Variants in IFIH1 observed in about 807,000 individuals in gnomAD.
The protein encoded by IFIH1 is interferon-induced helicase C domain-containing protein 1.
A neutral mutation model predicts 107.4 loss-of-function variants in IFIH1; 125 were observed. The observed-to-expected ratio is 1.16, with a 90% CI of 1.01 to 1.35. The LOEUF (loss-of-function observed/expected upper bound fraction) is 1.35. Among genes scored for constraint, IFIH1 ranks in the 40% most tolerant of loss-of-function variants. IFIH1 has a pLI of 0.00. For missense variants in IFIH1, 1,333 were observed against 1,213.7 expected (o/e 1.10, Z -1.46); for synonymous variants, 458 against 413.2 (o/e 1.11, Z -1.31).
Position 162,288,243 on chromosome 2 carries a change from G to A in IFIH1, c.987C>T (p.Leu329=). The A allele has an allele frequency of 6.2e-7, 1 of 1,612,744 alleles. No homozygotes were observed. Among genetic ancestry groups the A allele is most frequent in the Non-Finnish European group, 8.5e-7 (1 of 1,179,150 alleles). Residue 329 remains leucine (L), a synonymous_variant, in exon 5 of 16, where the codon CTC becomes CTT. Transcript: ENST00000649979. ...CTCTGGTTTTTCCACTCCCTGTAGGGAGGCAGATGATGATATTCTTCCCTT... is the reference window on the plus strand; with the variant it reads ...CTCTGGTTTTTCCACTCCCTGTAGGAAGGCAGATGATGATATTCTTCCCTT... ...ALEGKNIIIC[L]PTGSGKTRVA...
intron 13 of IFIH1, among the ~76,000 whole-genome samples, chr2:162,271,374 G>T (rs112395148): frequency 1.3e-5 from 2 of 149,278 alleles, no homozygotes; most frequent in African/African-American, 4.9e-5. Context: ...ACCAAACCCC[G>T]CATGTTCTCA....
intron 13 of IFIH1, among the ~76,000 whole-genome samples, chr2:162,270,745 A>C (rs2105190225): frequency 6.6e-6 from 1 of 152,294 alleles, no homozygotes; most frequent in East Asian, 1.9e-4. Context: ...TAATTCTCTT[A>C]GGACATTAAC....
chr2:162,300,075 A>C (rs1683166196), intron 3 of IFIH1, among the ~76,000 whole-genome samples: 1 of 152,164 alleles, frequency 6.6e-6, no homozygotes, highest in African/African-American at 2.4e-5. Context: ...TAGATCTTGC[A>C]TCTCTTTTAC....
chr2:162,308,036 G>A (rs1470700171), intron 2 of IFIH1, among the ~76,000 whole-genome samples: 1 of 152,146 alleles, frequency 6.6e-6, no homozygotes, highest in African/African-American at 2.4e-5. Context: ...GAAGGAGCCT[G>A]GATTTGATAA....
chr2:162,293,484 G>T, intron 4 of IFIH1, 80 bp downstream of exon 4: 1 of 786,630 alleles, frequency 1.3e-6, no homozygotes, highest in Non-Finnish European at 2.2e-6. Context: ...CATTAGGGAG[G>T]GTATGAACAG....
intron 13 of IFIH1, among the ~76,000 whole-genome samples, chr2:162,271,350 C>T (rs1225438210): frequency 6.6e-6 from 1 of 151,118 alleles, no homozygotes; most frequent in Non-Finnish European, 1.5e-5. Flanking sequence ...AGCAAACTAT[C>T]ACAAGGACAG....
chr2:162,309,265 A>T (rs1439523257), intron 2 of IFIH1, among the ~76,000 whole-genome samples: 1 of 152,192 alleles, frequency 6.6e-6, no homozygotes, highest in Non-Finnish European at 1.5e-5. Flanking sequence ...CTCCATCCAC[A>T]CAGCTTTCTG....
rs1683436814 is a variant in IFIH1 at position 162,314,396 on chromosome 2, CTCCTTTCTTTCTTTCTTTCTTTTCT to C, written c.453+3434_453+3458del. 4.5e-5 allele frequency among the ~76,000 whole-genome samples: 3 copies of C among 66,670 alleles called. 1 individual carries two copies. The highest frequency in any genetic ancestry group is 2.6e-4 in the African/African-American group (3 of 11,550). 43.7% of individuals were successfully genotyped at this position (66,670 alleles called of 152,430 possible). A position where few individuals can be genotyped will look rare whatever the true frequency, so the allele number is the denominator to read the frequency against. ...CCTCCCTCCCTCCCTCCCTCCCTCC[CTCCTTTCTTTCTTTCTTTCTTTTCT>C]TTCTTTCTTTCTTTCTTTCTTTCTT... is the stretch of plus-strand genomic sequence containing the variant. On this transcript the variant is annotated intron_variant, in intron 1 of 15. Coordinates refer to ENST00000649979, the MANE Select transcript of IFIH1 (RefSeq NM_022168.4).
chr2:162,280,058 G>A lies in IFIH1; in HGVS notation c.1579C>T (p.Gln527Ter). ...TIKTVKENLDQLKNQIQEPCK... is the reference protein window; with the variant it reads ...TIKTVKENLD ...GGCTCCTGTATTTGGTTTTTCAGTT[G>A]ATCAAGGTTTTCTTTAACAGTTTTA... Residue 527 changes from glutamine (Q) to a stop codon, truncating the protein, a stop_gained, in exon 8 of 16, where the codon CAA becomes TAA. Transcript: ENST00000649979. LOFTEE classifies it high-confidence loss of function. 1.2e-6 allele frequency: 2 copies of A among 1,611,182 alleles called. No individual in the cohort carries two copies. Among genetic ancestry groups the A allele is most frequent in the South Asian group, 1.1e-5 (1 of 90,938 alleles).
At chr2:162,294,180 G>C (rs1162393380) in intron 3 of IFIH1, among the ~76,000 whole-genome samples, 1 of 151,876 alleles carries the variant, frequency 6.6e-6, no homozygotes, top group Non-Finnish European at 1.5e-5. Context: ...TGTTCAAAAA[G>C]AATATCACTA....
At chr2:162,279,947 A>G (rs764192061) in intron 8 of IFIH1, 49 bp downstream of exon 8, 1 of 976,300 alleles carries the variant, frequency 1.0e-6, no homozygotes. Context: ...CCATCTTTCT[A>G]CTGAATGTAG....
intron 2 of IFIH1, chr2:162,310,512 A>G: frequency 1.9e-6 from 1 of 516,200 alleles, no homozygotes; most frequent in Non-Finnish European, 3.4e-6. Context: ...TCTGGTAGTC[A>G]TATTGTTTTT....
At chr2:162,309,192 C>T in intron 2 of IFIH1, among the ~76,000 whole-genome samples, 1 of 152,172 alleles carries the variant, frequency 6.6e-6, no homozygotes, top group East Asian at 1.9e-4. Context: ...TGATGCTCTG[C>T]CTTCCAGGTC....
chr2:162,297,616 A>G (rs1395249578), intron 3 of IFIH1, among the ~76,000 whole-genome samples: 5 of 152,180 alleles, frequency 3.3e-5, no homozygotes, highest in Non-Finnish European at 5.9e-5. Flanking sequence ...TTGAAGTTAT[A>G]TTGTATAATA....
At chr2:162,313,667 C>G (rs911645387) in intron 1 of IFIH1, among the ~76,000 whole-genome samples, 2 of 151,898 alleles carry the variant, frequency 1.3e-5, no homozygotes, top group African/African-American at 4.8e-5. Context: ...TTTTTTTAAC[C>G]CAGCAGAGTT....
At chr2:162,302,220 A>AAC (rs371525578) in intron 3 of IFIH1, among the ~76,000 whole-genome samples, 25 of 151,970 alleles carry the variant, frequency 1.6e-4, no homozygotes, top group East Asian at 1.2e-3. Context: ...AAGGTGCTAA[A>AAC]ACACACACAC....
At chr2:162,276,621 GAAGAA>G (rs1481009553) in intron 11 of IFIH1, 61 bp downstream of exon 11, 1 of 1,512,850 alleles carries the variant, frequency 6.6e-7, no homozygotes, top group Non-Finnish European at 8.9e-7. Context: ...AAGAAGAAGA[GAAGAA>G]GAGAAGAGAA....
chr2:162,271,005 G>T (rs1229128715), intron 13 of IFIH1, among the ~76,000 whole-genome samples: 1 of 152,090 alleles, frequency 6.6e-6, no homozygotes, highest in East Asian at 1.9e-4. Context: ...ATGCAAGGGT[G>T]TGAATTTTCT....
intron 6 of IFIH1, 38 bp downstream of exon 6, chr2:162,282,328 C>A (rs751943915): frequency 7.7e-7 from 1 of 1,294,732 alleles, no homozygotes; most frequent in Non-Finnish European, 1.1e-6. Context: ...ATCAATATTA[C>A]TATTAATTTT....
Sources: gnomAD v4.1 joint callset for allele counts (sites outside exome capture counted in the v4.1 genomes callset) on GRCh38, gnomAD v4.1.1 for gene constraint, MANE v1.5 for transcripts, NCBI Gene and HGNC (gene_info 2026-07-23, HGNC 2026-07-21) for gene names.